Variants in SH3RF3 observed in about 807,000 individuals in gnomAD.
The protein encoded by SH3RF3 is SH3 domain containing ring finger 3.
Under a neutral mutation model 66.3 loss-of-function variants are expected in SH3RF3, and 29 were observed. That is an observed-to-expected ratio of 0.44 (90% confidence interval 0.33 to 0.60). SH3RF3 has a LOEUF of 0.60. Ranked by LOEUF, SH3RF3 falls within the 20% of genes least tolerant of loss-of-function variation. SH3RF3 has a pLI of 0.04. For synonymous variants in SH3RF3, 583 were observed against 532.0 expected (o/e 1.10, Z -1.32); for missense variants, 1,194 against 1,190.9 (o/e 1.00, Z -0.04).
chr2:109,494,298 G>GC (rs36187844), intron 9 of SH3RF3, among the ~76,000 whole-genome samples: 38,739 of 151,980 alleles, frequency 0.25, 5,286 homozygotes, highest in East Asian at 0.5. Context: ...CTCTTTGGTG[G>GC]CTCCTTGCAC....
intron 8 of SH3RF3, among the ~76,000 whole-genome samples, chr2:109,459,548 G>T (rs1678157876): frequency 6.6e-6 from 1 of 152,092 alleles, no homozygotes; most frequent in Non-Finnish European, 1.5e-5. Flanking sequence ...ACACCCCAAG[G>T]GATCTCCTGT....
intron 9 of SH3RF3, among the ~76,000 whole-genome samples, chr2:109,495,743 C>T (rs571077313): frequency 6.6e-6 from 1 of 152,204 alleles, no homozygotes; most frequent in South Asian, 2.1e-4. Context: ...CCGCCCACCT[C>T]GGATTCCCAG....
At position 109,432,528 on chromosome 2, in the gene SH3RF3, C is replaced by T; in HGVS notation, c.1431C>T (p.Pro477=). ...NVYLALYAYK[P]QKSDELELHK... ...ACCTGGCGCTCTACGCCTACAAGCC[C>T]CAGAAGAGTGACGAGCTGGAGCTGC... Residue 477 remains proline (P), a synonymous_variant, in exon 6 of 10, where the codon CCC becomes CCT. Coordinates refer to ENST00000309415, the MANE Select transcript of SH3RF3 (RefSeq NM_001099289.3). 6.2e-7 allele frequency: 1 copy of T among 1,613,628 alleles called. No individual in the cohort carries two copies. The highest frequency in any genetic ancestry group is 8.5e-7 in the Non-Finnish European group (1 of 1,179,792).
intron 2 of SH3RF3, among the ~76,000 whole-genome samples, chr2:109,365,433 A>G (rs920122746): frequency 1.6e-4 from 24 of 152,176 alleles, no homozygotes; most frequent in African/African-American, 5.1e-4. Flanking sequence ...GATCTCTTCA[A>G]TTTGGGGGGC....
chr2:109,489,984 C>T (rs1679088939), intron 8 of SH3RF3, among the ~76,000 whole-genome samples: 2 of 152,312 alleles, frequency 1.3e-5, no homozygotes, highest in East Asian at 1.9e-4. Flanking sequence ...GTGATCTGCC[C>T]ACCTTGGCCT....
chr2:109,340,979 T>C (rs1292541074), intron 1 of SH3RF3, among the ~76,000 whole-genome samples: 1 of 152,238 alleles, frequency 6.6e-6, no homozygotes. Context: ...AGCTCTTAGC[T>C]GTAGACAATT....
At chr2:109,250,046 C>T (rs948620729) in intron 1 of SH3RF3, among the ~76,000 whole-genome samples, 1 of 151,092 alleles carries the variant, frequency 6.6e-6, no homozygotes. Flanking sequence ...TTATTTTTAC[C>T]ATGACTGACA....
At chr2:109,276,875 A>G (rs1470350696) in intron 1 of SH3RF3, among the ~76,000 whole-genome samples, 1 of 152,070 alleles carries the variant, frequency 6.6e-6, no homozygotes, top group African/African-American at 2.4e-5. Flanking sequence ...CTAAATTCAC[A>G]TGGAAAAAAA....
At chr2:109,329,774 T>C (rs771871415) in intron 1 of SH3RF3, among the ~76,000 whole-genome samples, 4 of 152,248 alleles carry the variant, frequency 2.6e-5, no homozygotes, top group Non-Finnish European at 5.9e-5. Flanking sequence ...ATGCCTTTTC[T>C]TACATAGGCC....
At chr2:109,291,395 G>T (rs1185599575) in intron 1 of SH3RF3, among the ~76,000 whole-genome samples, 2 of 151,976 alleles carry the variant, frequency 1.3e-5, no homozygotes, top group South Asian at 4.1e-4. Context: ...CAAACAGTGA[G>T]TGGGGATTAT....
At position 109,431,737 on chromosome 2, in the gene SH3RF3, G is replaced by A. The variant is rs548556720; in HGVS notation, c.1404-764G>A. ...AAATAAAAAACTTAGCCAGCATGGC[G>A]GTGCACACCTGTGGTCCCAGCTGCT... is the stretch of plus-strand genomic sequence containing the variant. On this transcript the variant is annotated intron_variant, in intron 5 of 9. Transcript: ENST00000309415. 1.9e-4 allele frequency among the ~76,000 whole-genome samples: 29 copies of A among 152,288 alleles called. 1 individual carries two copies. Among genetic ancestry groups the A allele is most frequent in the African/African-American group, 5.5e-4 (23 of 41,560 alleles).
intron 1 of SH3RF3, among the ~76,000 whole-genome samples, chr2:109,152,383 C>T (rs1677242505): frequency 6.6e-6 from 1 of 152,158 alleles, no homozygotes; most frequent in South Asian, 2.1e-4. Context: ...CTTTTGTTAG[C>T]TGACATGTAC....
chr2:109,179,013 G>T (rs999332010), intron 1 of SH3RF3, among the ~76,000 whole-genome samples: 1 of 148,956 alleles, frequency 6.7e-6, no homozygotes, highest in Non-Finnish European at 1.5e-5. Flanking sequence ...ATGTGTGTGT[G>T]TGTGTGTGTG....
At chr2:109,436,837 A>G (rs1027561009) in intron 6 of SH3RF3, 56 bp from the exon 7 acceptor site, 7 of 1,576,060 alleles carry the variant, frequency 4.4e-6, no homozygotes, top group Middle Eastern at 3.4e-4. Flanking sequence ...AGAGGCCCAC[A>G]TGGCACGAAT....
At chr2:109,166,014 A>G (rs1158644216) in intron 1 of SH3RF3, among the ~76,000 whole-genome samples, 1 of 151,780 alleles carries the variant, frequency 6.6e-6, no homozygotes, top group Admixed American at 6.6e-5. Context: ...CTTTTCCCCC[A>G]GTTTGCTGCT....
At chr2:109,255,372 G>A (rs150688862) in intron 1 of SH3RF3, among the ~76,000 whole-genome samples, 9 of 152,226 alleles carry the variant, frequency 5.9e-5, no homozygotes, top group African/African-American at 2.2e-4. Context: ...TGCTTTATTC[G>A]GTTAACTTTA....
At chr2:109,338,590 C>G (rs1358674975) in intron 1 of SH3RF3, among the ~76,000 whole-genome samples, 1 of 152,226 alleles carries the variant, frequency 6.6e-6, no homozygotes, top group Non-Finnish European at 1.5e-5. Context: ...CAGAACCTCA[C>G]TCTGTTGCCC....
intron 3 of SH3RF3, among the ~76,000 whole-genome samples, chr2:109,389,687 G>A (rs547769043): frequency 6.6e-6 from 1 of 152,132 alleles, no homozygotes; most frequent in African/African-American, 2.4e-5. Context: ...TTTGTGTATG[G>A]CTATTTTATA....
chr2:109,468,364 C>T (rs775145963), intron 8 of SH3RF3, among the ~76,000 whole-genome samples: 10 of 152,118 alleles, frequency 6.6e-5, no homozygotes, highest in African/African-American at 2.2e-4. Context: ...ATGACAGCTG[C>T]GACATCAGTA....
Sources: allele counts gnomAD v4.1 joint callset (sites outside exome capture counted in the v4.1 genomes callset), GRCh38; gene constraint gnomAD v4.1.1; transcripts MANE v1.5; gene names NCBI Gene and HGNC (gene_info 2026-07-23, HGNC 2026-07-21).